Variants in HGSNAT observed in about 807,000 individuals in gnomAD.
The protein encoded by HGSNAT is transmembrane protein 76.
In HGSNAT, 59 loss-of-function variants were observed where a neutral mutation model predicts 85.2. The observed-to-expected ratio is 0.69, with a 90% CI of 0.56 to 0.86. The LOEUF is 0.86. Ranked by LOEUF, HGSNAT falls within the 40% of genes least tolerant of loss-of-function variation. The pLI is 0.00. For synonymous variants in HGSNAT, 321 were observed against 304.5 expected (o/e 1.05, Z -0.56); for missense variants, 756 against 777.1 (o/e 0.97, Z 0.32).
chr8:43,153,784 T>A (rs141371259), intron 2 of HGSNAT, among the ~76,000 whole-genome samples: 24 of 152,190 alleles, frequency 1.6e-4, no homozygotes, highest in African/African-American at 5.3e-4. Flanking sequence ...TACATACGAG[T>A]GAGATCATGT....
At chr8:43,192,183 C>G (rs1193339011) in intron 12 of HGSNAT, 121 bp from the exon 13 acceptor site, 1 of 1,126,672 alleles carries the variant, frequency 8.9e-7, no homozygotes, top group African/African-American at 1.6e-5. Context: ...CCGCCTTGGC[C>G]TCCCAAAGTG....
At chr8:43,184,923 G>T (rs1804255111) in intron 11 of HGSNAT, among the ~76,000 whole-genome samples, 1 of 152,102 alleles carries the variant, frequency 6.6e-6, no homozygotes, top group Non-Finnish European at 1.5e-5. Context: ...TTTTTGTCAG[G>T]TTTGTCAGAG....
chr8:43,194,668 A>AC (rs1265490929), intron 14 of HGSNAT: 2 of 251,426 alleles, frequency 8.0e-6, no homozygotes, highest in African/African-American at 4.6e-5. Context: ...GTGTCCTCAC[A>AC]CGGTGTCCCC....
chr8:43,192,966 G>A (rs1804591816), intron 13 of HGSNAT, among the ~76,000 whole-genome samples: 2 of 152,290 alleles, frequency 1.3e-5, no homozygotes, highest in Middle Eastern at 3.4e-3. Context: ...TGACCTGCAC[G>A]GTCAACTTTG....
intron 14 of HGSNAT, chr8:43,196,090 C>T (rs1250326321): frequency 3.7e-6 from 1 of 268,902 alleles, no homozygotes; most frequent in African/African-American, 2.3e-5. Flanking sequence ...AGCCACGCTC[C>T]CTGGGTTTGT....
chr8:43,140,902 G>A (rs1377425876), intron 1 of HGSNAT, among the ~76,000 whole-genome samples: 2 of 152,184 alleles, frequency 1.3e-5, no homozygotes, highest in Non-Finnish European at 2.9e-5. Context: ...CCTGCGTCCT[G>A]GCGCCTTCCG....
intron 14 of HGSNAT, among the ~76,000 whole-genome samples, chr8:43,195,606 A>G (rs1432849107): frequency 4.1e-4 from 21 of 51,284 alleles, no homozygotes; most frequent in Admixed American, 4.2e-4. Flanking sequence ...GGAAGAAGAG[A>G]AGGAGGGTGT....
At position 43,169,161 on chromosome 8, in the gene HGSNAT, A is replaced by G; in HGVS notation, c.564-12A>G. 1 of 1,504,662 alleles carries G rather than the reference A, an allele frequency of 6.6e-7. No individual in the cohort carries two copies. The highest frequency in any genetic ancestry group is 8.9e-7 in the Non-Finnish European group (1 of 1,117,598). 93.2% of individuals were successfully genotyped at this position (1,504,662 alleles called of 1,614,324 possible). On this transcript the variant is annotated splice_polypyrimidine_tract_variant and intron_variant, in intron 5 of 17. Transcript: ENST00000379644. The stretch of plus-strand genomic sequence containing the variant: ...TGAAAATAAATTAATTGAGCCCTTT[A>G]TTTATTTTCAGTTTGGATGACTTTA...
intron 2 of HGSNAT, among the ~76,000 whole-genome samples, chr8:43,155,898 A>G (rs867175806): frequency 1.4e-4 from 21 of 151,134 alleles, no homozygotes; most frequent in Middle Eastern, 3.4e-3. Flanking sequence ...CTGGAGTGCA[A>G]TGGCACATCT....
chr8:43,192,324 G>A lies in HGSNAT; in HGVS notation c.1271G>A (p.Gly424Asp), dbSNP rs2130807313. 6.2e-7 allele frequency: 1 copy of A among 1,609,066 alleles called. No homozygotes were observed. The highest frequency in any genetic ancestry group is 8.5e-7 in the Non-Finnish European group (1 of 1,178,040). ...CCTAGTGGTTATCTTGGTCCTGGGG[G>A]CATTGGAGATTTTGGCAAGTATCCA... The part of the protein sequence containing the change: ...GCPTGYLGPG[G>D]IGDFGKYPNC... Residue 424 changes from glycine (G) to aspartate (D), a missense_variant, in exon 13 of 18, where the codon GGC becomes GAC. By Grantham distance (94) the Gly-to-Asp change is moderately conservative. Coordinates refer to ENST00000379644, the MANE Select transcript of HGSNAT (RefSeq NM_152419.3).
At chr8:43,178,750 C>A (rs35190006) in intron 10 of HGSNAT, among the ~76,000 whole-genome samples, 1 of 149,608 alleles carries the variant, frequency 6.7e-6, no homozygotes, top group Non-Finnish European at 1.5e-5. Context: ...GAGGACCCTG[C>A]GGCCTTGGCC....
chr8:43,170,627 G>GTTCAT lies in HGSNAT; in HGVS notation c.680_681insTTTCA (p.Gln227HisfsTer51). 6.2e-7 allele frequency: 1 copy of GTTCAT among 1,610,338 alleles called. No individual in the cohort carries two copies. Among genetic ancestry groups the GTTCAT allele is most frequent in the Non-Finnish European group, 8.5e-7 (1 of 1,178,420 alleles). ...CAGGACAGACCCTCTCGATGGTGAT[G>GTTCAT]TTCAGCCAGCAACGTGGCGTCTATC... is the stretch of plus-strand genomic sequence containing the variant. On this transcript the variant is annotated frameshift_variant, in exon 7 of 18. Transcript: ENST00000379644. LOFTEE classifies it high-confidence loss of function.
intron 11 of HGSNAT, among the ~76,000 whole-genome samples, chr8:43,185,377 G>C (rs77849858): frequency 0.045 from 6,851 of 152,118 alleles, 201 homozygotes; most frequent in South Asian, 0.078. Flanking sequence ...GGATTCCTAG[G>C]TATTTTATTC....
chr8:43,194,153 T>G (rs1804633503), intron 14 of HGSNAT: 1 of 1,047,880 alleles, frequency 9.5e-7, no homozygotes, highest in African/African-American at 1.7e-5. Context: ...ACGCCAACAT[T>G]TTGGGAAGCC....
chr8:43,195,806 T>A (rs1804709520), intron 14 of HGSNAT: 1 of 155,454 alleles, frequency 6.4e-6, no homozygotes, highest in African/African-American at 2.4e-5. Flanking sequence ...GGAGTAGGGG[T>A]CGGTCTTGCT....
At chr8:43,189,471 A>G (rs1563380466) in intron 11 of HGSNAT, among the ~76,000 whole-genome samples, 1 of 152,144 alleles carries the variant, frequency 6.6e-6, no homozygotes, top group African/African-American at 2.4e-5. Context: ...GCCGTTTGTT[A>G]AGACCATTGG....
At chr8:43,196,435 C>T (rs568353624) in intron 14 of HGSNAT, 8 of 1,289,196 alleles carry the variant, frequency 6.2e-6, no homozygotes, top group South Asian at 3.7e-5. Context: ...CCTAGTGCTG[C>T]CCAGACTGGG....
intron 9 of HGSNAT, among the ~76,000 whole-genome samples, chr8:43,176,375 T>C (rs1435288557): frequency 2.6e-5 from 4 of 152,216 alleles, no homozygotes; most frequent in Admixed American, 2.0e-4. Context: ...TGGATTTAGC[T>C]CTGAGTTCTT....
At chr8:43,185,991 C>G (rs1804294319) in intron 11 of HGSNAT, among the ~76,000 whole-genome samples, 1 of 152,206 alleles carries the variant, frequency 6.6e-6, no homozygotes, top group Non-Finnish European at 1.5e-5. Context: ...ATGAAGCCGA[C>G]TTGATCATGG....
Sources: allele counts gnomAD v4.1 joint callset (sites outside exome capture counted in the v4.1 genomes callset), GRCh38; gene constraint gnomAD v4.1.1; transcripts MANE v1.5; gene names NCBI Gene and HGNC (gene_info 2026-07-23, HGNC 2026-07-21).